DAB1: variants seen among roughly 807,000 people sequenced by gnomAD.
DAB1 encodes DAB adaptor protein 1, also known as disabled homolog 1.
DAB1 carries 15 observed loss-of-function variants against 64.6 expected under a neutral mutation model. The ratio of observed to expected loss-of-function variants is 0.23; its 90% CI spans 0.16 to 0.36. DAB1 has a LOEUF of 0.36. DAB1 is among the 10% of genes least tolerant of loss of function. The probability of loss-of-function intolerance (pLI) is 1.00; values close to 1 mark genes in which losing one functional copy is unlikely to be tolerated. For missense variants in DAB1, 596 were observed against 706.7 expected (o/e 0.84, Z 1.78); for synonymous variants, 235 against 251.9 (o/e 0.93, Z 0.64).
chr1:58,467,668 T>C (rs1180282860), intron 3 of DAB1, among the ~76,000 whole-genome samples: 23 of 152,226 alleles, frequency 1.5e-4, no homozygotes. Flanking sequence ...TATCCAAAAT[T>C]TCCCAAAACA....
chr1:57,251,156 GCT>G, intron 2 of DAB1, among the ~76,000 whole-genome samples: 1 of 152,342 alleles, frequency 6.6e-6, no homozygotes, highest in Non-Finnish European at 1.5e-5. Flanking sequence ...CACCAGAAAT[GCT>G]ACCAGATTTT....
intron 6 of DAB1, among the ~76,000 whole-genome samples, chr1:57,762,019 G>A (rs143949741): frequency 1.2e-4 from 18 of 152,244 alleles, no homozygotes; most frequent in Middle Eastern, 3.4e-3. Context: ...TGGACAGAGC[G>A]TCATTTGCAT....
intron 3 of DAB1, among the ~76,000 whole-genome samples, chr1:58,464,633 A>G (rs1645276558): frequency 6.6e-6 from 1 of 152,240 alleles, no homozygotes; most frequent in African/African-American, 2.4e-5. Context: ...TATAGCATCA[A>G]TATAACACAA....
chr1:57,367,166 C>A (rs1015240852), intron 1 of DAB1, among the ~76,000 whole-genome samples: 1 of 150,616 alleles, frequency 6.6e-6, no homozygotes, highest in Non-Finnish European at 1.5e-5. Context: ...TCCTAGTTAC[C>A]TGGGAGGCTG....
intron 3 of DAB1, among the ~76,000 whole-genome samples, chr1:58,375,593 T>C (rs1317423229): frequency 6.7e-6 from 1 of 149,508 alleles, no homozygotes; most frequent in Admixed American, 6.7e-5. Context: ...CAGTATTTTA[T>C]TGAAGATTTT....
At chr1:58,546,374 A>C (rs1430397803) in intron 1 of DAB1, among the ~76,000 whole-genome samples, 1 of 152,052 alleles carries the variant, frequency 6.6e-6, no homozygotes, top group African/African-American at 2.4e-5. Context: ...GCTGAGGGGG[A>C]GGGCAGGCGG....
At chr1:57,363,023 T>A (rs1282148323) in intron 1 of DAB1, among the ~76,000 whole-genome samples, 1 of 152,234 alleles carries the variant, frequency 6.6e-6, no homozygotes, top group South Asian at 2.1e-4. Flanking sequence ...TTTTCATTTC[T>A]TAGGTGAATT....
At chr1:58,315,780 T>C (rs7551403) in intron 4 of DAB1, among the ~76,000 whole-genome samples, 4,390 of 152,288 alleles carry the variant, frequency 0.029, 207 homozygotes, top group African/African-American at 0.1. Context: ...AGCTGATCTT[T>C]ATTCTCGTAA....
At chr1:58,003,949 G>A (rs1646543500) in intron 5 of DAB1, among the ~76,000 whole-genome samples, 1 of 152,196 alleles carries the variant, frequency 6.6e-6, no homozygotes, top group Non-Finnish European at 1.5e-5. Flanking sequence ...GGAAGTGGGG[G>A]TCAGAATACA....
intron 3 of DAB1, among the ~76,000 whole-genome samples, chr1:58,383,726 C>G (rs1644409762): frequency 6.6e-6 from 1 of 152,116 alleles, no homozygotes; most frequent in South Asian, 2.1e-4. Context: ...TAAGGCTTCC[C>G]TGACCCTATA....
At chr1:57,636,848 C>T (rs1451906676) in intron 7 of DAB1, among the ~76,000 whole-genome samples, 1 of 152,028 alleles carries the variant, frequency 6.6e-6, no homozygotes. Flanking sequence ...TTTGAGGATA[C>T]AGATGGAGTT....
At chr1:57,065,541 TC>T (rs1450900969) in intron 8 of DAB1, among the ~76,000 whole-genome samples, 1 of 152,200 alleles carries the variant, frequency 6.6e-6, no homozygotes, top group Non-Finnish European at 1.5e-5. Context: ...TATTTTATTA[TC>T]CTTGTATCCA....
chr1:58,484,210 G>A (rs1333333931), intron 3 of DAB1, among the ~76,000 whole-genome samples: 1 of 152,036 alleles, frequency 6.6e-6, no homozygotes, highest in Non-Finnish European at 1.5e-5. Flanking sequence ...TCCGTTACTG[G>A]GCATTAGAAT....
At chr1:57,012,487 C>G (rs987194880) in intron 12 of DAB1, among the ~76,000 whole-genome samples, 2 of 152,212 alleles carry the variant, frequency 1.3e-5, no homozygotes, top group African/African-American at 2.4e-5. Flanking sequence ...AGAGCTCTGT[C>G]TGACACTATC....
At chr1:58,502,504 C>T (rs1645922395) in intron 3 of DAB1, among the ~76,000 whole-genome samples, 1 of 152,206 alleles carries the variant, frequency 6.6e-6, no homozygotes, top group Non-Finnish European at 1.5e-5. Flanking sequence ...GCTGTATTCT[C>T]AACTGCCTTT....
chr1:57,614,326 G>C (rs1645763603), intron 7 of DAB1, among the ~76,000 whole-genome samples: 1 of 152,112 alleles, frequency 6.6e-6, no homozygotes, highest in Non-Finnish European at 1.5e-5. Flanking sequence ...ACAGAACCTG[G>C]CCTAAGGTCC....
chr1:57,771,655 T>C (rs578224969), intron 6 of DAB1, among the ~76,000 whole-genome samples: 1 of 152,240 alleles, frequency 6.6e-6, no homozygotes, highest in East Asian at 1.9e-4. Flanking sequence ...GGCAAATTCG[T>C]ACACCTGTAC....
chr1:58,219,121 AG>A (rs1251805890), intron 4 of DAB1, among the ~76,000 whole-genome samples: 8 of 151,986 alleles, frequency 5.3e-5, no homozygotes, highest in South Asian at 4.2e-4. Flanking sequence ...GAAAGAGAAA[AG>A]GGCTCTGCAC....
chr1:57,122,223 T>C (rs955406764), intron 4 of DAB1, among the ~76,000 whole-genome samples: 2 of 152,206 alleles, frequency 1.3e-5, no homozygotes, highest in Non-Finnish European at 2.9e-5. Context: ...GGCTGCTAGA[T>C]TATGAAGCCT....
Sources: gnomAD v4.1 joint callset for allele counts (sites outside exome capture counted in the v4.1 genomes callset) on GRCh38, gnomAD v4.1.1 for gene constraint, MANE v1.5 for transcripts, NCBI Gene and HGNC (gene_info 2026-07-23, HGNC 2026-07-21) for gene names.